The following DNAH11 variants were observed in gnomAD, a reference collection of about 807,000 sequenced individuals.
DNAH11 encodes the protein axonemal beta dynein heavy chain 11.
A neutral mutation model predicts 526.0 loss-of-function variants in DNAH11; 442 were observed. That is an observed-to-expected ratio of 0.84 (90% confidence interval 0.78 to 0.91). DNAH11 has a LOEUF of 0.91. DNAH11 is among the 40% of genes least tolerant of loss of function. DNAH11 has a pLI of 0.00. For synonymous variants in DNAH11, 2,461 were observed against 1,935.9 expected, an observed-to-expected ratio of 1.27 and a Z score of -7.12; for missense variants, 6,989 against 5,448.7, an observed-to-expected ratio of 1.28 and a Z score of -8.90.
chr7:21,697,826 C>T (rs570841575), intron 35 of DNAH11, among the ~76,000 whole-genome samples: 1 of 152,292 alleles, frequency 6.6e-6, no homozygotes, highest in East Asian at 1.9e-4. Flanking sequence ...AGAATGTATT[C>T]ATGGATTTTC....
At chr7:21,708,055 A>G (rs958427502) in intron 40 of DNAH11, among the ~76,000 whole-genome samples, 2 of 152,206 alleles carry the variant, frequency 1.3e-5, no homozygotes, top group Admixed American at 1.3e-4. Context: ...GAGCTGTTGT[A>G]TTTTATCCCA....
chr7:21,901,563 C>T lies in DNAH11; in HGVS notation c.*309C>T, dbSNP rs1033609410. On this transcript the variant is annotated 3_prime_UTR_variant, in exon 82 of 82. Coordinates refer to ENST00000409508, the MANE Select transcript of DNAH11 (RefSeq NM_001277115.2). ...CCTCCTGGGCAACAGAACAAGACTC[C>T]ATCTCAAAAAAAAAAAAGTACATCA... 3 of 199,250 alleles carry T rather than the reference C, an allele frequency of 1.5e-5. No individual in the cohort carries two copies. The highest frequency in any genetic ancestry group is 6.0e-5 in the Admixed American group (1 of 16,554). 12.3% of individuals were successfully genotyped at this position (199,250 alleles called of 1,614,324 possible). A position where few individuals can be genotyped will look rare whatever the true frequency, so the allele number is the denominator to read the frequency against.
chr7:21,733,028 G>A (rs529733138), intron 45 of DNAH11, among the ~76,000 whole-genome samples: 1 of 152,284 alleles, frequency 6.6e-6, no homozygotes, highest in African/African-American at 2.4e-5. Context: ...AGCTTCCCGT[G>A]GAGCACGTGG....
intron 42 of DNAH11, among the ~76,000 whole-genome samples, chr7:21,715,644 C>G (rs576045590): frequency 1.3e-4 from 20 of 152,186 alleles, no homozygotes; most frequent in African/African-American, 4.8e-4. Flanking sequence ...GTAAGAATTG[C>G]ACACAAATGC....
At chr7:21,718,601 G>T (rs1029887069) in intron 43 of DNAH11, among the ~76,000 whole-genome samples, 1 of 152,158 alleles carries the variant, frequency 6.6e-6, no homozygotes, top group Non-Finnish European at 1.5e-5. Flanking sequence ...TGTCATGGAA[G>T]CCAATGAAAA....
chr7:21,885,024 C>T (rs1161847252), intron 76 of DNAH11, among the ~76,000 whole-genome samples: 1 of 151,626 alleles, frequency 6.6e-6, no homozygotes, highest in African/African-American at 2.4e-5. Flanking sequence ...TGTATCAAAA[C>T]ATCACACTGT....
intron 54 of DNAH11, among the ~76,000 whole-genome samples, chr7:21,751,658 G>A (rs879330391): frequency 6.6e-6 from 1 of 152,172 alleles, no homozygotes; most frequent in Non-Finnish European, 1.5e-5. Context: ...ACGGGTACTG[G>A]CATTGGCCCT....
rs528602791 is a variant in DNAH11 at position 21,829,431 on chromosome 7, C to G, written c.10691+11092C>G. The stretch of plus-strand genomic sequence containing the variant: ...ATACAATATCTTAGGAAATCTCTCT[C>G]CAAACAGCAGGTTTTGCAAATCTTT... On this transcript the variant is annotated intron_variant, in intron 65 of 81. Coordinates refer to ENST00000409508, the MANE Select transcript of DNAH11 (RefSeq NM_001277115.2). Among the ~76,000 whole-genome samples, 8 of 152,170 alleles carry G rather than the reference C, an allele frequency of 5.3e-5. 1 individual carries two copies. Among genetic ancestry groups the G allele is most frequent in the Non-Finnish European group, 1.2e-4 (8 of 68,024 alleles).
chr7:21,735,265 T>C (rs1295356274), intron 45 of DNAH11, among the ~76,000 whole-genome samples: 1 of 152,232 alleles, frequency 6.6e-6, no homozygotes, highest in Non-Finnish European at 1.5e-5. Context: ...TGAAATGTTG[T>C]AGATAGTTTC....
chr7:21,897,861 C>T (rs1197936045), intron 79 of DNAH11, among the ~76,000 whole-genome samples: 2 of 152,178 alleles, frequency 1.3e-5, no homozygotes, highest in Non-Finnish European at 2.9e-5. Flanking sequence ...AAGTGATCCA[C>T]CTGCCTCGGC....
rs774489385 is a variant in DNAH11, at chr7:21,899,984, C to A, written c.13167C>A (p.Ile4389=). The part of the protein sequence containing the change: ...FFNPQSFLTA[I]MQTMARKNEW... ...ATTTTTGTTATATTTCCAAAGCAATCATGCAGACGATGGCTCGAAAAAATG... is the reference window on the plus strand; with the variant it reads ...ATTTTTGTTATATTTCCAAAGCAATAATGCAGACGATGGCTCGAAAAAATG... The change falls in exon 81 of 82, where the codon ATC becomes ATA. Residue 4389 remains isoleucine (I), a synonymous_variant. Transcript: ENST00000409508. The A allele has an allele frequency of 5.6e-6, 9 of 1,613,772 alleles. No homozygotes were observed. The East Asian group carries it at 2.0e-4, about 36-fold the overall frequency.
intron 43 of DNAH11, among the ~76,000 whole-genome samples, chr7:21,718,234 C>A (rs937893421): frequency 6.6e-6 from 1 of 151,942 alleles, no homozygotes; most frequent in African/African-American, 2.4e-5. Flanking sequence ...ATAGTAGGTG[C>A]CAGATATGTG....
At chr7:21,809,133 TG>T (rs1562559229) in intron 63 of DNAH11, among the ~76,000 whole-genome samples, 1 of 152,210 alleles carries the variant, frequency 6.6e-6, no homozygotes, top group African/African-American at 2.4e-5. Context: ...GATGACTCGG[TG>T]ATGTTGAGCA....
intron 81 of DNAH11, 94 bp from the exon 82 acceptor site, chr7:21,900,913 A>G: frequency 6.8e-7 from 1 of 1,467,912 alleles, no homozygotes; most frequent in Non-Finnish European, 9.0e-7. Context: ...ACAAAACCAG[A>G]ATGTTGAATG....
At chr7:21,717,212 AC>A (rs1784700405) in intron 42 of DNAH11, among the ~76,000 whole-genome samples, 1 of 151,966 alleles carries the variant, frequency 6.6e-6, no homozygotes, top group Non-Finnish European at 1.5e-5. Flanking sequence ...ACACACACAC[AC>A]ACACACACCC....
intron 2 of DNAH11, among the ~76,000 whole-genome samples, chr7:21,555,586 A>G (rs1290982244): frequency 6.6e-6 from 1 of 152,150 alleles, no homozygotes; most frequent in Non-Finnish European, 1.5e-5. Context: ...CTTGCTTCAT[A>G]TCTATGTTAT....
chr7:21,663,874 C>T (rs1032632955), intron 30 of DNAH11, among the ~76,000 whole-genome samples: 1 of 151,600 alleles, frequency 6.6e-6, no homozygotes, highest in African/African-American at 2.4e-5. Context: ...CTTCATAATG[C>T]TGAATAATGC....
At chr7:21,693,016 T>C (rs181444990) in intron 35 of DNAH11, among the ~76,000 whole-genome samples, 1 of 152,254 alleles carries the variant, frequency 6.6e-6, no homozygotes, top group East Asian at 1.9e-4. Flanking sequence ...GTTAGATACA[T>C]ACATTGCAAA....
intron 14 of DNAH11, among the ~76,000 whole-genome samples, chr7:21,592,325 AGAACTGACAGG>A (rs1784718224): frequency 6.6e-6 from 1 of 152,252 alleles, no homozygotes; most frequent in Admixed American, 6.5e-5. Context: ...ATTTCTGCAG[AGAACTGACAGG>A]GAACAAAGCA....
Sources: allele counts gnomAD v4.1 joint callset (sites outside exome capture counted in the v4.1 genomes callset), GRCh38; gene constraint gnomAD v4.1.1; transcripts MANE v1.5; gene names NCBI Gene and HGNC (gene_info 2026-07-23, HGNC 2026-07-21).